The following PTPRN2 variants were observed in gnomAD, a reference collection of about 807,000 sequenced individuals.
The protein encoded by PTPRN2 is receptor-type tyrosine-protein phosphatase N2.
A neutral mutation model predicts 118.8 loss-of-function variants in PTPRN2; 74 were observed. The observed-to-expected ratio is 0.62, with a 90% CI of 0.52 to 0.76. The LOEUF (loss-of-function observed/expected upper bound fraction) is 0.76, where lower values mean the gene tolerates loss of function less well. Ranked by LOEUF, PTPRN2 falls within the 30% of genes least tolerant of loss-of-function variation. The pLI is 0.00. For synonymous variants in PTPRN2, 641 were observed against 608.0 expected (o/e 1.05, Z -0.80); for missense variants, 1,481 against 1,394.4 (o/e 1.06, Z -0.99).
chr7:158,128,737 T>C (rs1348980158), intron 9 of PTPRN2, among the ~76,000 whole-genome samples: 1 of 152,098 alleles, frequency 6.6e-6, no homozygotes, highest in African/African-American at 2.4e-5. Flanking sequence ...CACCTCGGCA[T>C]CCATTTGGAA....
chr7:157,736,157 C>G (rs1022594458), intron 12 of PTPRN2, among the ~76,000 whole-genome samples: 1 of 152,230 alleles, frequency 6.6e-6, no homozygotes, highest in African/African-American at 2.4e-5. Flanking sequence ...CCCGATCACA[C>G]CAGCCCGAGA....
chr7:157,873,662 T>C (rs1483680677), intron 12 of PTPRN2, among the ~76,000 whole-genome samples: 4 of 132,454 alleles, frequency 3.0e-5, no homozygotes, highest in Non-Finnish European at 6.3e-5. Context: ...GAGGAGAACG[T>C]ACTGTCCTCA....
At chr7:157,576,478 C>A (rs1002115559) in intron 19 of PTPRN2, 135 bp downstream of exon 19, 3 of 920,664 alleles carry the variant, frequency 3.3e-6, no homozygotes, top group Non-Finnish European at 3.1e-6. Context: ...CCTCTCGCTT[C>A]CCTTCCCCTC....
At chr7:157,705,139 A>G (rs1467851158) in intron 12 of PTPRN2, among the ~76,000 whole-genome samples, 1 of 152,192 alleles carries the variant, frequency 6.6e-6, no homozygotes, top group East Asian at 1.9e-4. Context: ...CCCCGTCTCT[A>G]CTAAAAATAC....
At chr7:158,422,716 A>C (rs1485161866) in intron 2 of PTPRN2, among the ~76,000 whole-genome samples, 1 of 147,598 alleles carries the variant, frequency 6.8e-6, no homozygotes, top group African/African-American at 2.6e-5. Flanking sequence ...ATGTGGTCTC[A>C]GTCACACCCA....
chr7:158,347,003 G>T (rs1807562232), intron 2 of PTPRN2, among the ~76,000 whole-genome samples: 1 of 152,092 alleles, frequency 6.6e-6, no homozygotes, highest in African/African-American at 2.4e-5. Flanking sequence ...TGGATATTAA[G>T]CCCTTATTGG....
intron 11 of PTPRN2, among the ~76,000 whole-genome samples, chr7:157,980,914 G>A (rs1220736757): frequency 3.9e-5 from 6 of 152,092 alleles, no homozygotes; most frequent in African/African-American, 1.4e-4. Flanking sequence ...CCTCCCACAC[G>A]GGCACTGGGG....
At position 157,944,251 on chromosome 7, in the gene PTPRN2, G is replaced by A. The variant is rs574495559; in HGVS notation, c.1724-45514C>T. On this transcript the variant is annotated intron_variant, in intron 11 of 22. Transcript: ENST00000389418. This position sits in a 1 kb window ranked among gnomAD's most constrained non-coding sequence, Gnocchi z 4.3. The stretch of plus-strand genomic sequence containing the variant: ...ACAAAGATTGAGCATGGTTCGTCGC[G>A]AACGCCAGCCTGCCCCCACGGTCAT... Among the ~76,000 whole-genome samples, 17 of 152,194 alleles carry A rather than the reference G, an allele frequency of 1.1e-4. No homozygotes were observed. The South Asian group carries it at 2.1e-3, about 19-fold the overall frequency.
intron 2 of PTPRN2, among the ~76,000 whole-genome samples, chr7:158,333,233 C>A (rs1804853756): frequency 7.9e-6 from 1 of 125,854 alleles, no homozygotes. Context: ...CTCACACCCA[C>A]ACTCTCCCCA....
chr7:158,195,601 A>C (rs1028493139), intron 4 of PTPRN2, among the ~76,000 whole-genome samples: 2 of 147,838 alleles, frequency 1.4e-5, no homozygotes, highest in Non-Finnish European at 3.0e-5. Context: ...GATGTGTCCC[A>C]TAGCTCACTG....
rs536173421 is a variant in PTPRN2, at chr7:158,245,950, TACTA to T, written c.278-40681_278-40678del. The stretch of plus-strand genomic sequence containing the variant: ...GCACACTGGAAAGCTGCTCTTACCC[TACTA>T]ACTTTCAGTCACTGAGACACAAATC... On this transcript the variant is annotated intron_variant, in intron 3 of 22. Transcript: ENST00000389418. Among the ~76,000 whole-genome samples the T allele has an allele frequency of 6.4e-4, 97 of 152,100 alleles. 3 individuals are homozygous for T. The highest frequency in any genetic ancestry group is 2.2e-3 in the African/African-American group (92 of 41,462).
At chr7:157,834,922 G>A (rs923561705) in intron 12 of PTPRN2, among the ~76,000 whole-genome samples, 21 of 152,184 alleles carry the variant, frequency 1.4e-4, no homozygotes, top group Admixed American at 7.2e-4. Context: ...TGACCTGTCC[G>A]CCTACTCCCC....
chr7:157,626,786 T>C (rs1263562), intron 14 of PTPRN2, among the ~76,000 whole-genome samples: 46,740 of 152,154 alleles, frequency 0.31, 7,490 homozygotes, highest in South Asian at 0.38. Flanking sequence ...GTAAACATTT[T>C]ATTTTGATGA....
In PTPRN2 at chr7:158,166,939, G is replaced by A; in HGVS notation, c.902C>T (p.Thr301Ile). The A allele has an allele frequency of 6.9e-7, 1 of 1,442,254 alleles. No homozygotes were observed. Among genetic ancestry groups the A allele is most frequent in the Non-Finnish European group, 9.1e-7 (1 of 1,093,134 alleles). 89.3% of individuals were successfully genotyped at this position (1,442,254 alleles called of 1,614,324 possible). Residue 301 changes from threonine (T) to isoleucine (I), a missense_variant, in exon 6 of 23, where the codon ACA (threonine) becomes ATA (isoleucine). Transcript: ENST00000389418. ...PLGDSEDPSSTGDGARIHTLL... is the reference protein window; with the variant it reads ...PLGDSEDPSSIGDGARIHTLL... ...AAGCGGGGCTGGCTCACCATCGCCTGTGCTGGAGGGGTCTTCGGAATCTCC... is the reference window on the plus strand; with the variant it reads ...AAGCGGGGCTGGCTCACCATCGCCTATGCTGGAGGGGTCTTCGGAATCTCC...
chr7:158,543,138 G>T (rs1826086031), intron 1 of PTPRN2, among the ~76,000 whole-genome samples: 3 of 152,246 alleles, frequency 2.0e-5, no homozygotes. Flanking sequence ...GGCTGCTCTT[G>T]TTCAGTCCAT....
chr7:157,917,732 G>A (rs1197436286), intron 11 of PTPRN2, among the ~76,000 whole-genome samples: 2 of 152,032 alleles, frequency 1.3e-5, no homozygotes, highest in African/African-American at 2.4e-5. Flanking sequence ...TTTTCAACGC[G>A]TGGTCCTGGA....
intron 3 of PTPRN2, among the ~76,000 whole-genome samples, chr7:158,209,383 A>G (rs1315475040): frequency 1.3e-5 from 2 of 152,236 alleles, no homozygotes. Context: ...ATGGAAACCA[A>G]AAAAGAGCAA....
At chr7:158,159,514 T>TA (rs553511589) in intron 6 of PTPRN2, among the ~76,000 whole-genome samples, 168 of 152,350 alleles carry the variant, frequency 1.1e-3, no homozygotes, top group African/African-American at 3.9e-3. Context: ...TAGGGACTTG[T>TA]AATTCCCATC....
chr7:158,167,107 G>A lies in PTPRN2; in HGVS notation c.734C>T (p.Ala245Val). Residue 245 changes from alanine to valine, a missense_variant, in exon 6 of 23, where the codon GCC becomes GTC. Ala to Val is a moderately conservative substitution (Grantham distance 64, BLOSUM62 0). Transcript: ENST00000389418. The part of the protein sequence containing the change: ...SGVDRHHLMA[A>V]LSAYAAQRPP... ...CCTCTGGGCAGCATAGGCACTGAGG[G>A]CCGCCATCAGATGGTGTCTGTCCAC... 1 of 1,613,218 alleles carries A rather than the reference G, an allele frequency of 6.2e-7. No individual in the cohort carries two copies. The highest frequency in any genetic ancestry group is 8.5e-7 in the Non-Finnish European group (1 of 1,179,634).
Sources: allele counts gnomAD v4.1 joint callset (sites outside exome capture counted in the v4.1 genomes callset), GRCh38; gene constraint gnomAD v4.1.1; non-coding constraint Gnocchi (gnomAD v3.1); transcripts MANE v1.5; gene names NCBI Gene and HGNC (gene_info 2026-07-23, HGNC 2026-07-21).